The following SLC4A3 variants were observed in gnomAD, a reference collection of about 807,000 sequenced individuals.
SLC4A3 encodes the protein solute carrier family 4 member 3.
SLC4A3 carries 47 observed loss-of-function variants against 114.2 expected under a neutral mutation model. The ratio of observed to expected loss-of-function variants is 0.41; its 90% CI spans 0.33 to 0.52. The LOEUF (loss-of-function observed/expected upper bound fraction) is 0.52, where lower values mean the gene tolerates loss of function less well. SLC4A3 is among the 20% of genes least tolerant of loss of function. The pLI is 0.21. For missense variants in SLC4A3, 1,312 were observed against 1,668.3 expected, an observed-to-expected ratio of 0.79 and a Z score of 3.72; for synonymous variants, 693 against 710.3, an observed-to-expected ratio of 0.98 and a Z score of 0.39.
rs907868465 is a variant in SLC4A3 at position 219,636,177 on chromosome 2, G to A, written c.2192-125G>A. On this transcript the variant is annotated intron_variant, in intron 14 of 22. Transcript: ENST00000358055. The surrounding 1 kb of genome is among the most constrained non-coding windows in gnomAD (Gnocchi z 5.5). ...TTGGGAGCAATGGGGTATGGAAGGGGCCCTGTGTGTCACTCTAAGGGGCTG... is the reference window on the plus strand; with the variant it reads ...TTGGGAGCAATGGGGTATGGAAGGGACCCTGTGTGTCACTCTAAGGGGCTG... 11 of 1,087,668 alleles carry A rather than the reference G, an allele frequency of 1.0e-5. No homozygotes were observed. The highest frequency in any genetic ancestry group is 3.1e-5 in the African/African-American group (2 of 64,460). 67.4% of individuals were successfully genotyped at this position (1,087,668 alleles called of 1,614,324 possible).
Position 219,638,065 on chromosome 2 carries a change from C to T in SLC4A3, c.2767-99C>T, listed in dbSNP as rs1225750119. 1 of 1,021,644 alleles carries T rather than the reference C, an allele frequency of 9.8e-7. No individual in the cohort carries two copies. The allele number at this position is 1,021,644 out of a possible 1,614,324, so 63.3% of individuals were successfully genotyped here. A position where few individuals can be genotyped will look rare whatever the true frequency, so the allele number is the denominator to read the frequency against. Reference sequence around the variant, plus strand: ...AGGCACGTGGGGGGCCTTCTGGCTCCAGCTTGGACCCAGGCAGGGCCAGAG... The same window carrying T: ...AGGCACGTGGGGGGCCTTCTGGCTCTAGCTTGGACCCAGGCAGGGCCAGAG... On this transcript the variant is annotated intron_variant, in intron 17 of 22. Transcript: ENST00000358055. This position sits in a 1 kb window ranked among gnomAD's most constrained non-coding sequence, Gnocchi z 7.5.
intron 11 of SLC4A3, 143 bp from the exon 12 acceptor site, chr2:219,634,277 G>A (rs749062928): frequency 2.4e-5 from 19 of 788,758 alleles, no homozygotes; most frequent in Non-Finnish European, 3.7e-5. Context: ...AGACACATAA[G>A]CGAATAGTGC....
At position 219,630,042 on chromosome 2, in the gene SLC4A3, C is replaced by T. The variant is rs978996154; in HGVS notation, c.612-111C>T. On this transcript the variant is annotated intron_variant, in intron 5 of 22. Transcript: ENST00000358055. The surrounding 1 kb of genome is among the most constrained non-coding windows in gnomAD (Gnocchi z 6.9). ...AGCATCCTTTGCTGCCCAGGAGGGG[C>T]CTGGGTCTCATGCTCAGGGTCTACT... is the stretch of plus-strand genomic sequence containing the variant. 2 of 1,526,674 alleles carry T rather than the reference C, an allele frequency of 1.3e-6. No individual in the cohort carries two copies. The highest frequency in any genetic ancestry group is 2.1e-5 in the Admixed American group (1 of 48,248). 94.6% of individuals were successfully genotyped at this position (1,526,674 alleles called of 1,614,324 possible).
Position 219,631,936 on chromosome 2 carries a change from C to T in SLC4A3, c.812-32C>T. 1.9e-6 allele frequency: 3 copies of T among 1,557,190 alleles called. No individual in the cohort carries two copies. The East Asian group carries it at 6.8e-5, about 35-fold the overall frequency. On this transcript the variant is annotated intron_variant, in intron 6 of 22. Coordinates refer to ENST00000358055, the MANE Select transcript of SLC4A3 (RefSeq NM_005070.4). The surrounding 1 kb of genome is among the most constrained non-coding windows in gnomAD (Gnocchi z 6.3). The stretch of plus-strand genomic sequence containing the variant: ...GTGACCCCGAGGGCCCCAGCTGGAC[C>T]TGTGGGACCCCCAAGCCCATCTTCT...
Position 219,628,882 on chromosome 2 carries a change from C to T in SLC4A3, c.218-262C>T. 3.4e-6 allele frequency: 2 copies of T among 585,748 alleles called. No homozygotes were observed. The highest frequency in any genetic ancestry group is 5.8e-5 in the East Asian group (2 of 34,612). 36.3% of individuals were successfully genotyped at this position (585,748 alleles called of 1,614,324 possible). A position where few individuals can be genotyped will look rare whatever the true frequency, so the allele number is the denominator to read the frequency against. The stretch of plus-strand genomic sequence containing the variant: ...CCTTGTCCCACCTCGGCTAGTCCAA[C>T]TCCGCCTTTCCCCTCCTTGCTGTAT... On this transcript the variant is annotated intron_variant, in intron 3 of 22. Transcript: ENST00000358055. This position sits in a 1 kb window ranked among gnomAD's most constrained non-coding sequence, Gnocchi z 4.8.
Position 219,636,858 on chromosome 2 carries a change from T to G in SLC4A3, c.2519T>G (p.Phe840Cys), listed in dbSNP as rs576009472. Residue 840 changes from phenylalanine (F) to cysteine (C), a missense_variant, in exon 16 of 23, where the codon TTC becomes TGC. Phe to Cys is a radical substitution (Grantham distance 205). Coordinates refer to ENST00000358055, the MANE Select transcript of SLC4A3 (RefSeq NM_005070.4). The surrounding 1 kb of genome is among the most constrained non-coding windows in gnomAD (Gnocchi z 5.5). Reference sequence around the variant, plus strand: ...TCACTCATTTTCATCTACGAGACCTTCTACAAGCTCTACAAGGTGGAGGTC... The same window carrying G: ...TCACTCATTTTCATCTACGAGACCTGCTACAAGCTCTACAAGGTGGAGGTC... ...LISLIFIYET[F>C]YKLYKVFTEH... 6.2e-7 allele frequency: 1 copy of G among 1,613,624 alleles called. No homozygotes were observed. The highest frequency in any genetic ancestry group is 1.3e-5 in the African/African-American group (1 of 75,006).
At position 219,637,925 on chromosome 2, in the gene SLC4A3, G is replaced by A. The variant is rs557219458; in HGVS notation, c.2766+114G>A. The A allele has an allele frequency of 8.2e-6, 7 of 854,550 alleles. 1 individual carries two copies. The highest frequency in any genetic ancestry group is 6.3e-5 in the South Asian group (4 of 63,550). 52.9% of individuals were successfully genotyped at this position (854,550 alleles called of 1,614,324 possible). On this transcript the variant is annotated intron_variant, in intron 17 of 22. Transcript: ENST00000358055. This position sits in a 1 kb window ranked among gnomAD's most constrained non-coding sequence, Gnocchi z 4.6. The stretch of plus-strand genomic sequence containing the variant: ...AGCCCATGGACCAAAACCCAGCTCG[G>A]GCAGCCCCTCACCCCTTCGGAAGCC...
rs560450240 is a variant in SLC4A3 at position 219,628,196 on chromosome 2, A to G, written c.51+153A>G. Among the ~76,000 whole-genome samples, 311 of 151,618 alleles carry G rather than the reference A, an allele frequency of 2.1e-3. 3 individuals are homozygous for G. Among genetic ancestry groups the G allele is most frequent in the African/African-American group, 7.0e-3 (289 of 41,288 alleles). Reference sequence around the variant, plus strand: ...ACGGAGAAAGAGGGGGGTTTTTGATATTTTCCAGATCCGTAGCCCTCTCTC... The same window carrying G: ...ACGGAGAAAGAGGGGGGTTTTTGATGTTTTCCAGATCCGTAGCCCTCTCTC... On this transcript the variant is annotated intron_variant, in intron 2 of 22. Transcript: ENST00000358055. This position sits in a 1 kb window ranked among gnomAD's most constrained non-coding sequence, Gnocchi z 4.8.
intron 10 of SLC4A3, 35 bp from the exon 11 acceptor site, chr2:219,633,845 T>A (rs1699026125): frequency 6.4e-7 from 1 of 1,551,402 alleles, no homozygotes; most frequent in African/African-American, 1.4e-5. Context: ...GCCTCCGGTC[T>A]GGGTCCCAGC....
rs375135969 is a variant in SLC4A3 at position 219,628,597 on chromosome 2, G to T, written c.217+27G>T. ...TGGGTAGCCTGGGGACCCCTAGTGC[G>T]GCCGCCCTCGCCACCATCACCTTCA... On this transcript the variant is annotated intron_variant, in intron 3 of 22. Transcript: ENST00000358055. This position sits in a 1 kb window ranked among gnomAD's most constrained non-coding sequence, Gnocchi z 4.8. 211 of 1,606,512 alleles carry T rather than the reference G, an allele frequency of 1.3e-4. No individual in the cohort carries two copies. The highest frequency in any genetic ancestry group is 9.9e-5 in the Non-Finnish European group (117 of 1,177,346).
At position 219,631,313 on chromosome 2, in the gene SLC4A3, G is replaced by C; in HGVS notation, c.812-655G>C. ...CTGGGCCTGGGGATACCAATAGCTG[G>C]GGCTTTGGGAGGGATCCAGCCCCCA... On this transcript the variant is annotated intron_variant, in intron 6 of 22. Coordinates refer to ENST00000358055, the MANE Select transcript of SLC4A3 (RefSeq NM_005070.4). The surrounding 1 kb of genome is among the most constrained non-coding windows in gnomAD (Gnocchi z 6.3). 7.7e-7 allele frequency: 1 copy of C among 1,304,116 alleles called. No homozygotes were observed. The highest frequency in any genetic ancestry group is 1.0e-6 in the Non-Finnish European group (1 of 988,820). The allele number at this position is 1,304,116 out of a possible 1,614,324, so 80.8% of individuals were successfully genotyped here. A position where few individuals can be genotyped will look rare whatever the true frequency, so the allele number is the denominator to read the frequency against.
In SLC4A3 at chr2:219,639,167, A is replaced by G. The variant is rs1221072789; in HGVS notation, c.3023+298A>G. Among the ~76,000 whole-genome samples the G allele has an allele frequency of 6.6e-6, 1 of 152,210 alleles. No homozygotes were observed. Among genetic ancestry groups the G allele is most frequent in the African/African-American group, 2.4e-5 (1 of 41,438 alleles). On this transcript the variant is annotated intron_variant, in intron 19 of 22. Coordinates refer to ENST00000358055, the MANE Select transcript of SLC4A3 (RefSeq NM_005070.4). The surrounding 1 kb of genome is among the most constrained non-coding windows in gnomAD (Gnocchi z 5.9). ...TGCAGGGTGGCACTTGACAGTGCTC[A>G]GAACACTCTAGCAGTCTAAGCTTGC...
At chr2:219,640,407 C>T (rs200321600) in intron 20 of SLC4A3, 23 bp from the exon 21 acceptor site, 63 of 1,601,440 alleles carry the variant, frequency 3.9e-5, no homozygotes, top group Non-Finnish European at 5.3e-5. Context: ...GAGGGTCAGG[C>T]GGGTCTGTGT....
In SLC4A3 at chr2:219,630,589, C is replaced by G. The variant is rs1698883953; in HGVS notation, c.811+237C>G. On this transcript the variant is annotated intron_variant, in intron 6 of 22. Coordinates refer to ENST00000358055, the MANE Select transcript of SLC4A3 (RefSeq NM_005070.4). This position sits in a 1 kb window ranked among gnomAD's most constrained non-coding sequence, Gnocchi z 6.9. ...CACGCCTCAGTCCTGATTCTGTCCTCTGAGTCACCCCTAGAAAAAGGCAGC... is the reference window on the plus strand; with the variant it reads ...CACGCCTCAGTCCTGATTCTGTCCTGTGAGTCACCCCTAGAAAAAGGCAGC... Among the ~76,000 whole-genome samples the G allele has an allele frequency of 6.6e-6, 1 of 152,178 alleles. No individual in the cohort carries two copies. Among genetic ancestry groups the G allele is most frequent in the African/African-American group, 2.4e-5 (1 of 41,416 alleles).
At chr2:219,634,700 T>C (rs1699057803) in intron 12 of SLC4A3, 96 bp downstream of exon 12, 2 of 1,328,488 alleles carry the variant, frequency 1.5e-6, no homozygotes, top group Admixed American at 2.3e-5. Context: ...GCAAGGGTGC[T>C]AGAGGCCCCT....
chr2:219,633,376 C>T lies in SLC4A3; in HGVS notation c.1380C>T (p.Gly460=). ...ATCATCACCCAACTCCCAGCCATGG[C>T]CCTGATGGGGCGGTGCCTACCATGG... The part of the protein sequence containing the change: ...LGNHHPTPSH[G]PDGAVPTMAD... The change falls in exon 10 of 23, where the codon GGC becomes GGT. Residue 460 remains glycine, a synonymous_variant. Transcript: ENST00000358055. The T allele has an allele frequency of 1.2e-6, 2 of 1,606,236 alleles. No homozygotes were observed. Among genetic ancestry groups the T allele is most frequent in the Non-Finnish European group, 1.7e-6 (2 of 1,175,172 alleles).
chr2:219,628,833 C>T lies in SLC4A3; in HGVS notation c.217+263C>T. 1.7e-6 allele frequency: 1 copy of T among 583,390 alleles called. No homozygotes were observed. Among genetic ancestry groups the T allele is most frequent in the Non-Finnish European group, 3.0e-6 (1 of 333,874 alleles). 36.1% of individuals were successfully genotyped at this position (583,390 alleles called of 1,614,324 possible). A position where few individuals can be genotyped will look rare whatever the true frequency, so the allele number is the denominator to read the frequency against. Reference sequence around the variant, plus strand: ...GCCCTTCCACGGTGACCTTCCCCTTCCCCTTCGTCCCCACTCACTCCCTCC... The same window carrying T: ...GCCCTTCCACGGTGACCTTCCCCTTTCCCTTCGTCCCCACTCACTCCCTCC... On this transcript the variant is annotated intron_variant, in intron 3 of 22. Transcript: ENST00000358055. This position sits in a 1 kb window ranked among gnomAD's most constrained non-coding sequence, Gnocchi z 4.8.
In SLC4A3 at chr2:219,637,105, A is replaced by G. The variant is rs1054306538; in HGVS notation, c.2535+231A>G. 2.2e-4 allele frequency among the ~76,000 whole-genome samples: 34 copies of G among 151,954 alleles called. No homozygotes were observed. The highest frequency in any genetic ancestry group is 5.9e-4 in the Admixed American group (9 of 15,256). On this transcript the variant is annotated intron_variant, in intron 16 of 22. Coordinates refer to ENST00000358055, the MANE Select transcript of SLC4A3 (RefSeq NM_005070.4). This position sits in a 1 kb window ranked among gnomAD's most constrained non-coding sequence, Gnocchi z 4.6. ...CCAAGCACCTGGTTGGAGGCTTAGT[A>G]ATAAGGACTCACTTGCACAGGTATG...
chr2:219,630,032 C>G lies in SLC4A3; in HGVS notation c.612-121C>G, dbSNP rs755630377. 1 of 1,516,732 alleles carries G rather than the reference C, an allele frequency of 6.6e-7. No homozygotes were observed. Among genetic ancestry groups the G allele is most frequent in the Non-Finnish European group, 8.8e-7 (1 of 1,132,460 alleles). The allele number at this position is 1,516,732 out of a possible 1,614,324, so 94.0% of individuals were successfully genotyped here. ...GGCCTGGGTCAGCATCCTTTGCTGCCCAGGAGGGGCCTGGGTCTCATGCTC... is the reference window on the plus strand; with the variant it reads ...GGCCTGGGTCAGCATCCTTTGCTGCGCAGGAGGGGCCTGGGTCTCATGCTC... On this transcript the variant is annotated intron_variant, in intron 5 of 22. Coordinates refer to ENST00000358055, the MANE Select transcript of SLC4A3 (RefSeq NM_005070.4). The surrounding 1 kb of genome is among the most constrained non-coding windows in gnomAD (Gnocchi z 6.9).
Sources: allele counts gnomAD v4.1 joint callset (sites outside exome capture counted in the v4.1 genomes callset), GRCh38; gene constraint gnomAD v4.1.1; non-coding constraint Gnocchi (gnomAD v3.1); transcripts MANE v1.5; gene names NCBI Gene and HGNC (gene_info 2026-07-23, HGNC 2026-07-21).